NRP1: variants seen among roughly 807,000 people sequenced by gnomAD.
NRP1 encodes the protein neuropilin-1.
In NRP1, 35 loss-of-function variants were observed where a neutral mutation model predicts 106.7. The observed-to-expected ratio is 0.33, with a 90% confidence interval of 0.25 to 0.43. The LOEUF (loss-of-function observed/expected upper bound fraction) is 0.43, where lower values mean the gene tolerates loss of function less well. NRP1 is among the 20% of genes least tolerant of loss of function. The pLI is 1.00. For missense variants in NRP1, 1,024 were observed against 1,170.4 expected, an observed-to-expected ratio of 0.87 and a Z score of 1.83; for synonymous variants, 437 against 417.9, an observed-to-expected ratio of 1.05 and a Z score of -0.56.
At chr10:33,203,511 A>T (rs534974697) in intron 10 of NRP1, among the ~76,000 whole-genome samples, 1 of 152,138 alleles carries the variant, frequency 6.6e-6, no homozygotes, top group Middle Eastern at 3.4e-3. Flanking sequence ...AAAAAAAAAC[A>T]AAAAAACTAA....
intron 2 of NRP1, among the ~76,000 whole-genome samples, chr10:33,301,739 C>T (rs1845815256): frequency 6.6e-6 from 1 of 151,860 alleles, no homozygotes; most frequent in Non-Finnish European, 1.5e-5. Context: ...GCAAACAACA[C>T]CAAGAAAAAA....
intron 5 of NRP1, among the ~76,000 whole-genome samples, 163 bp from the exon 6 acceptor site, chr10:33,254,357 G>T (rs1031665405): frequency 6.6e-6 from 1 of 152,054 alleles, no homozygotes; most frequent in African/African-American, 2.4e-5. Context: ...GGATTTTCAT[G>T]GCAATATTTA....
At chr10:33,180,391 C>T (rs1202948412) in intron 16 of NRP1, 26 bp from the exon 17 acceptor site, 32 of 1,548,602 alleles carry the variant, frequency 2.1e-5, no homozygotes, top group Middle Eastern at 1.7e-4. Context: ...ATATTGTCTC[C>T]GTGAGCACCG....
intron 6 of NRP1, among the ~76,000 whole-genome samples, chr10:33,233,540 A>G (rs765517474): frequency 6.6e-5 from 10 of 152,216 alleles, no homozygotes; most frequent in Non-Finnish European, 2.9e-5. Flanking sequence ...ACTGCTTTCT[A>G]TAATAATACA....
chr10:33,314,211 C>T (rs1257416845), intron 2 of NRP1, among the ~76,000 whole-genome samples: 3 of 151,968 alleles, frequency 2.0e-5, no homozygotes, highest in African/African-American at 4.8e-5. Flanking sequence ...CACAGCCTCC[C>T]GAGTAACTAA....
At chr10:33,305,135 C>T (rs753939276) in intron 2 of NRP1, among the ~76,000 whole-genome samples, 1 of 152,322 alleles carries the variant, frequency 6.6e-6, no homozygotes, top group East Asian at 1.9e-4. Context: ...TAACTCAGTG[C>T]TGAAGATCTG....
chr10:33,179,540 G>A lies in NRP1; in HGVS notation c.*536C>T, dbSNP rs1403978813. ...AGCTGACACACTACACCAGTACTGA[G>A]GCTACAGTACTTTAAAAAGAAAACA... On this transcript the variant is annotated 3_prime_UTR_variant, in exon 17 of 17. Transcript: ENST00000374867. 6.4e-6 allele frequency: 1 copy of A among 157,160 alleles called. No homozygotes were observed. Among genetic ancestry groups the A allele is most frequent in the African/African-American group, 2.4e-5 (1 of 41,474 alleles). The allele number at this position is 157,160 out of a possible 1,614,324, so 9.7% of individuals were successfully genotyped here. A position where few individuals can be genotyped will look rare whatever the true frequency, so the allele number is the denominator to read the frequency against.
intron 14 of NRP1, among the ~76,000 whole-genome samples, 195 bp from the exon 15 acceptor site, chr10:33,185,919 T>A (rs1389519128): frequency 6.6e-6 from 1 of 152,190 alleles, no homozygotes; most frequent in South Asian, 2.1e-4. Context: ...CTTCTTATAA[T>A]ACAAACTTTA....
At chr10:33,319,001 TC>T (rs369640180) in intron 2 of NRP1, among the ~76,000 whole-genome samples, 1 of 119,090 alleles carries the variant, frequency 8.4e-6, no homozygotes, top group African/African-American at 2.8e-5. Flanking sequence ...TTCTTTTCTT[TC>T]TTTTTTTTTT....
At chr10:33,237,720 C>A (rs776122546) in intron 6 of NRP1, among the ~76,000 whole-genome samples, 4 of 151,582 alleles carry the variant, frequency 2.6e-5, no homozygotes, top group Non-Finnish European at 5.9e-5. Flanking sequence ...TGTCACCATG[C>A]CCAGCTAATT....
At position 33,213,638 on chromosome 10, in the gene NRP1, G is replaced by A. The variant is rs757471637; in HGVS notation, c.1362C>T (p.Asp454=). ...GGATGTTTTCAGGCATCCAGTTTCT[G>A]TCCCCTTGGTTGGATGATGTGATCT... ...DSQITSSNQG[D]RNWMPENIRL... The change falls in exon 9 of 17, where the codon GAC becomes GAT. Residue 454 remains aspartate, a synonymous_variant. Transcript: ENST00000374867. 84 of 1,614,042 alleles carry A rather than the reference G, an allele frequency of 5.2e-5. No individual in the cohort carries two copies. Among genetic ancestry groups the A allele is most frequent in the Non-Finnish European group, 7.1e-5 (84 of 1,179,996 alleles).
At chr10:33,208,278 C>A (rs1452042114) in intron 9 of NRP1, among the ~76,000 whole-genome samples, 1 of 152,112 alleles carries the variant, frequency 6.6e-6, no homozygotes, top group Non-Finnish European at 1.5e-5. Flanking sequence ...GTCTCAAGCA[C>A]CTGGCTGCAA....
chr10:33,186,829 A>T (rs1362335354), intron 13 of NRP1, among the ~76,000 whole-genome samples: 2 of 89,818 alleles, frequency 2.2e-5, no homozygotes, highest in East Asian at 3.3e-4. Context: ...CATAGACTGG[A>T]CTGAAAACTC....
intron 2 of NRP1, among the ~76,000 whole-genome samples, chr10:33,301,995 A>G (rs949774334): frequency 6.6e-6 from 1 of 152,150 alleles, no homozygotes; most frequent in African/African-American, 2.4e-5. Context: ...AGAATTTATA[A>G]AAAGAAAGAA....
At position 33,179,417 on chromosome 10, in the gene NRP1, G is replaced by C. The variant is rs971089214; in HGVS notation, c.*659C>G. 1 of 152,788 alleles carries C rather than the reference G, an allele frequency of 6.5e-6. No individual in the cohort carries two copies. Among genetic ancestry groups the C allele is most frequent in the Admixed American group, 6.5e-5 (1 of 15,282 alleles). The allele number at this position is 152,788 out of a possible 1,614,324, so 9.5% of individuals were successfully genotyped here. A position where few individuals can be genotyped will look rare whatever the true frequency, so the allele number is the denominator to read the frequency against. On this transcript the variant is annotated 3_prime_UTR_variant, in exon 17 of 17. Coordinates refer to ENST00000374867, the MANE Select transcript of NRP1 (RefSeq NM_003873.7). ...TATACCCAGTGGCCAGCCGTGTTCA[G>C]GGATGGCACCGTTTTCTGTATGGAG...
chr10:33,301,024 C>T (rs537886031), intron 2 of NRP1, among the ~76,000 whole-genome samples: 16 of 152,262 alleles, frequency 1.1e-4, no homozygotes, highest in South Asian at 2.1e-4. Flanking sequence ...CTGGCTGCAC[C>T]CCTTTCCATG....
intron 12 of NRP1, among the ~76,000 whole-genome samples, chr10:33,197,444 A>G (rs1480112173): frequency 6.6e-6 from 1 of 152,174 alleles, no homozygotes; most frequent in African/African-American, 2.4e-5. Flanking sequence ...ACCATTTGGC[A>G]ATTACTGATG....
Position 33,182,322 on chromosome 10 carries a change from A to G in NRP1, c.2482+376T>C, listed in dbSNP as rs554010781. 2.4e-4 allele frequency among the ~76,000 whole-genome samples: 36 copies of G among 152,304 alleles called. No homozygotes were observed. The South Asian group carries it at 3.9e-3, about 17-fold the overall frequency. On this transcript the variant is annotated intron_variant, in intron 16 of 16. Transcript: ENST00000374867. Reference sequence around the variant, plus strand: ...ACAGAAGAATTTCGGTTGGTTTCAAATAACTGTGTATGGAAATAGTCTTCA... The same window carrying G: ...ACAGAAGAATTTCGGTTGGTTTCAAGTAACTGTGTATGGAAATAGTCTTCA...
rs1443973706 is a variant in NRP1, at chr10:33,294,628, A to AG, written c.249-23773_249-23772insC. On this transcript the variant is annotated intron_variant, in intron 2 of 16. Coordinates refer to ENST00000374867, the MANE Select transcript of NRP1 (RefSeq NM_003873.7). The stretch of plus-strand genomic sequence containing the variant: ...GTGAAACTCCGTCTCAAAAAAAAAA[A>AG]AAAAAAATCTATGTCCTAATAACTG... Among the ~76,000 whole-genome samples, 393 of 151,988 alleles carry AG rather than the reference A, an allele frequency of 2.6e-3. 2 individuals carry two copies. The highest frequency in any genetic ancestry group is 9.2e-3 in the African/African-American group (383 of 41,506).
Sources: allele counts gnomAD v4.1 joint callset (sites outside exome capture counted in the v4.1 genomes callset), GRCh38; gene constraint gnomAD v4.1.1; transcripts MANE v1.5; gene names NCBI Gene and HGNC (gene_info 2026-07-23, HGNC 2026-07-21).